The following ATF7IP variants were observed in gnomAD, a reference collection of about 807,000 sequenced individuals.
The protein encoded by ATF7IP is activating transcription factor 7-interacting protein 1.
In ATF7IP, 23 loss-of-function variants were observed where a neutral mutation model predicts 106.4. The observed-to-expected ratio is 0.22, with a 90% CI of 0.16 to 0.31. ATF7IP has a LOEUF of 0.31. ATF7IP is among the 10% of genes least tolerant of loss of function. The probability of loss-of-function intolerance (pLI) is 1.00; values close to 1 mark genes in which losing one functional copy is unlikely to be tolerated. For missense variants in ATF7IP, 1,334 were observed against 1,524.3 expected (o/e 0.88, Z 2.08); for synonymous variants, 542 against 539.0 (o/e 1.01, Z -0.08).
chr12:14,440,864 C>T lies in ATF7IP; in HGVS notation c.1929+2597C>T, dbSNP rs958138940. Among the ~76,000 whole-genome samples the T allele has an allele frequency of 2.0e-4, 30 of 152,170 alleles. 1 individual carries two copies. Among genetic ancestry groups the T allele is most frequent in the Non-Finnish European group, 1.5e-5 (1 of 68,030 alleles). ...TATTTCACATGCCTCTTTCACTTAGCGTGTTTTCCAGCTTAATCTGTGTTT... is the reference window on the plus strand; with the variant it reads ...TATTTCACATGCCTCTTTCACTTAGTGTGTTTTCCAGCTTAATCTGTGTTT... On this transcript the variant is annotated intron_variant, in intron 5 of 14. Coordinates refer to ENST00000261168, the MANE Select transcript of ATF7IP (RefSeq NM_018179.5).
intron 1 of ATF7IP, among the ~76,000 whole-genome samples, chr12:14,375,942 G>C (rs776904294): frequency 5.9e-5 from 9 of 152,050 alleles, no homozygotes; most frequent in Non-Finnish European, 1.3e-4. Flanking sequence ...TGGAAAGGTC[G>C]GTTTCATATT....
At chr12:14,414,421 A>G (rs1239114936) in intron 1 of ATF7IP, among the ~76,000 whole-genome samples, 1 of 152,230 alleles carries the variant, frequency 6.6e-6, no homozygotes, top group African/African-American at 2.4e-5. Context: ...GCTGTTTTGA[A>G]TGTAGCCAAA....
At chr12:14,404,159 A>G (rs1453129510) in intron 1 of ATF7IP, among the ~76,000 whole-genome samples, 1 of 150,694 alleles carries the variant, frequency 6.6e-6, no homozygotes, top group Non-Finnish European at 1.5e-5. Context: ...AGTGCTAAAC[A>G]GTCTATAATG....
intron 1 of ATF7IP, among the ~76,000 whole-genome samples, chr12:14,397,095 G>A (rs549863072): frequency 6.6e-6 from 1 of 152,264 alleles, no homozygotes; most frequent in South Asian, 2.1e-4. Context: ...CCGGGAGGCG[G>A]AGGTTGCAGT....
intron 1 of ATF7IP, among the ~76,000 whole-genome samples, chr12:14,400,285 A>T (rs1940117484): frequency 6.6e-6 from 1 of 152,196 alleles, no homozygotes; most frequent in Non-Finnish European, 1.5e-5. Flanking sequence ...GTGTGTTTTA[A>T]AATATAATGG....
At chr12:14,387,855 C>T (rs1939324788) in intron 1 of ATF7IP, among the ~76,000 whole-genome samples, 2 of 152,076 alleles carry the variant, frequency 1.3e-5, no homozygotes, top group African/African-American at 4.8e-5. Context: ...CTTTTGTTTA[C>T]CCTTTTTCAT....
At chr12:14,387,246 T>C (rs530034096) in intron 1 of ATF7IP, among the ~76,000 whole-genome samples, 1 of 152,270 alleles carries the variant, frequency 6.6e-6, no homozygotes, top group Non-Finnish European at 1.5e-5. Flanking sequence ...GTTTGAGGGA[T>C]TCTATTCATC....
At chr12:14,373,365 G>A (rs1488309741) in intron 1 of ATF7IP, among the ~76,000 whole-genome samples, 1 of 152,126 alleles carries the variant, frequency 6.6e-6, no homozygotes, top group Non-Finnish European at 1.5e-5. Context: ...AAGTGGTTTT[G>A]CCTTAACATA....
chr12:14,450,912 A>G (rs868578817), intron 6 of ATF7IP, among the ~76,000 whole-genome samples: 1 of 152,036 alleles, frequency 6.6e-6, no homozygotes, highest in Non-Finnish European at 1.5e-5. Context: ...AGTAGCTGGA[A>G]TAATAGGCCT....
At chr12:14,494,333 A>ATATATATGTGTG (rs1234871100) in intron 13 of ATF7IP, among the ~76,000 whole-genome samples, 35 of 85,980 alleles carry the variant, frequency 4.1e-4, no homozygotes, top group African/African-American at 1.1e-3. Context: ...ATATATATAT[A>ATATATATGTGTG]TGTGTGTGTG....
chr12:14,497,588 T>C, intron 14 of ATF7IP, 66 bp from the exon 15 acceptor site: 4 of 1,460,860 alleles, frequency 2.7e-6, no homozygotes, highest in Non-Finnish European at 3.7e-6. Context: ...TAAGGTGTTT[T>C]AATTCTAACA....
intron 5 of ATF7IP, among the ~76,000 whole-genome samples, chr12:14,444,215 T>C (rs1253410870): frequency 1.3e-5 from 2 of 152,230 alleles, no homozygotes; most frequent in African/African-American, 4.8e-5. Flanking sequence ...ATGTCTATTT[T>C]ACTTTTTCCT....
At chr12:14,411,004 A>C (rs952817536) in intron 1 of ATF7IP, among the ~76,000 whole-genome samples, 3 of 152,202 alleles carry the variant, frequency 2.0e-5, no homozygotes, top group East Asian at 3.8e-4. Flanking sequence ...TGGATATACC[A>C]CATTTTATTT....
chr12:14,468,934 A>G (rs1353693436), intron 10 of ATF7IP, among the ~76,000 whole-genome samples: 10 of 152,316 alleles, frequency 6.6e-5, no homozygotes. Flanking sequence ...CCTTGCTAGC[A>G]GATAGAAACT....
intron 1 of ATF7IP, among the ~76,000 whole-genome samples, chr12:14,410,953 A>G (rs1261050875): frequency 1.3e-5 from 2 of 152,200 alleles, no homozygotes; most frequent in Admixed American, 1.3e-4. Context: ...TAGCATGTAC[A>G]GTACTTCATT....
At chr12:14,415,639 A>G (rs1661948322) in intron 1 of ATF7IP, among the ~76,000 whole-genome samples, 1 of 151,412 alleles carries the variant, frequency 6.6e-6, no homozygotes, top group Non-Finnish European at 1.5e-5. Flanking sequence ...TCACTTGATA[A>G]CTTACTCAAC....
intron 1 of ATF7IP, among the ~76,000 whole-genome samples, chr12:14,404,139 T>TC (rs1332049051): frequency 4.0e-5 from 6 of 151,746 alleles, no homozygotes; most frequent in African/African-American, 1.5e-4. Context: ...AAGCTTTTTT[T>TC]TTTTTTTCCA....
At position 14,454,519 on chromosome 12, in the gene ATF7IP, CTT is replaced by C. The variant is rs1198985811; in HGVS notation, c.1996-2040_1996-2039del. 5.3e-5 allele frequency among the ~76,000 whole-genome samples: 8 copies of C among 152,340 alleles called. No individual in the cohort carries two copies. The East Asian group carries it at 1.5e-3, about 29-fold the overall frequency. ...AGTTGGATTCAAGCTCCAACTTTCTCTTTCCTTTCTGATGTAGAAGCTGTGTT... is the reference window on the plus strand; with the variant it reads ...AGTTGGATTCAAGCTCCAACTTTCTCTCCTTTCTGATGTAGAAGCTGTGTT... On this transcript the variant is annotated intron_variant, in intron 6 of 14. Coordinates refer to ENST00000261168, the MANE Select transcript of ATF7IP (RefSeq NM_018179.5).
Position 14,454,572 on chromosome 12 carries a change from A to T in ATF7IP, c.1996-1989A>T, listed in dbSNP as rs546488268. Among the ~76,000 whole-genome samples the T allele has an allele frequency of 3.9e-5, 6 of 152,304 alleles. No homozygotes were observed. In the South Asian group the frequency reaches 1.2e-3, roughly 32 times the overall value. On this transcript the variant is annotated intron_variant, in intron 6 of 14. Transcript: ENST00000261168. ...GGGAGGTTGATGGGGTATAGTGAGT[A>T]AATGCAATGTATTTTCCTAACTGTT...
Sources: allele counts gnomAD v4.1 joint callset (sites outside exome capture counted in the v4.1 genomes callset), GRCh38; gene constraint gnomAD v4.1.1; transcripts MANE v1.5; gene names NCBI Gene and HGNC (gene_info 2026-07-23, HGNC 2026-07-21).